The following TSPAN12 variants were observed in gnomAD, a reference collection of about 807,000 sequenced individuals.
TSPAN12 encodes tetraspanin 12.
Under a neutral mutation model 39.2 loss-of-function variants are expected in TSPAN12, and 19 were observed. The observed-to-expected ratio is 0.49, with a 90% CI of 0.34 to 0.71. TSPAN12 has a LOEUF of 0.71. TSPAN12 is among the 30% of genes least tolerant of loss of function. The pLI is 0.01. For missense variants in TSPAN12, 314 were observed against 359.9 expected (o/e 0.87, Z 1.03); for synonymous variants, 119 against 124.8 (o/e 0.95, Z 0.31).
intron 2 of TSPAN12, among the ~76,000 whole-genome samples, chr7:120,850,242 TGTTTTCCTA>T (rs1418987467): frequency 1.3e-5 from 2 of 152,208 alleles, no homozygotes; most frequent in Non-Finnish European, 2.9e-5. Context: ...TAGACCACCA[TGTTTTCCTA>T]TAGATAGGGT....
chr7:120,835,477 A>C (rs1323620749), intron 4 of TSPAN12, among the ~76,000 whole-genome samples: 2 of 152,224 alleles, frequency 1.3e-5, no homozygotes, highest in African/African-American at 4.8e-5. Flanking sequence ...AAATTGTTAC[A>C]AATATTGGAA....
intron 7 of TSPAN12, among the ~76,000 whole-genome samples, chr7:120,799,552 ATAAT>A (rs1380820529): frequency 2.6e-5 from 3 of 114,436 alleles, no homozygotes; most frequent in Non-Finnish European, 5.2e-5. Context: ...AATTATATAT[ATAAT>A]TAAATATAAT....
intron 7 of TSPAN12, among the ~76,000 whole-genome samples, chr7:120,797,773 C>T (rs1793662199): frequency 6.6e-6 from 1 of 152,164 alleles, no homozygotes. Flanking sequence ...CATTCTGCCT[C>T]TGACATATCT....
In TSPAN12 at chr7:120,788,413, TGG is replaced by T; in HGVS notation, c.*177_*178del. On this transcript the variant is annotated 3_prime_UTR_variant, in exon 8 of 8. Coordinates refer to ENST00000222747, the MANE Select transcript of TSPAN12 (RefSeq NM_012338.4). ...TTAAGGGCATCAATTATTGTCCAGG[TGG>T]TGACTTATGACATGAAACTTTTCCA... 1.4e-6 allele frequency: 1 copy of T among 696,510 alleles called. No individual in the cohort carries two copies. 43.1% of individuals were successfully genotyped at this position (696,510 alleles called of 1,614,324 possible). A position where few individuals can be genotyped will look rare whatever the true frequency, so the allele number is the denominator to read the frequency against.
Position 120,788,735 on chromosome 7 carries a change from G to A in TSPAN12, c.775C>T (p.Gln259Ter). The change falls in exon 8 of 8, where the codon CAA becomes TAA. Residue 259 changes from glutamine to a stop codon, truncating the protein, a stop_gained. Transcript: ENST00000222747. LOFTEE classifies it high-confidence loss of function. ...YYDRREPGTD[Q>*]MMSLKNDNSQ... ...TTGTCATTCTTCAAGGACATCATTT[G>A]GTCTGTCCCCGGCTCCCTTCTATCA... is the stretch of plus-strand genomic sequence containing the variant. 6.2e-7 allele frequency: 1 copy of A among 1,614,086 alleles called. No homozygotes were observed.
intron 2 of TSPAN12, among the ~76,000 whole-genome samples, chr7:120,850,181 G>A (rs1289051299): frequency 6.6e-6 from 1 of 152,164 alleles, no homozygotes; most frequent in Non-Finnish European, 1.5e-5. Flanking sequence ...CAATTAATTA[G>A]AGCTGAATAA....
chr7:120,799,567 T>TA (rs1194972871), intron 7 of TSPAN12, among the ~76,000 whole-genome samples: 2 of 110,296 alleles, frequency 1.8e-5, no homozygotes, highest in African/African-American at 7.1e-5. Flanking sequence ...TAAATATAAT[T>TA]ATTTATATAA....
rs1255230102 is a variant in TSPAN12, at chr7:120,857,866, G to C, written c.-117C>G. Reference sequence around the variant, plus strand: ...CCCACGCCCGCCTGGGGATAGTCGGGGACGCACGGCGGGGGCTCATCGGGG... The same window carrying C: ...CCCACGCCCGCCTGGGGATAGTCGGCGACGCACGGCGGGGGCTCATCGGGG... On this transcript the variant is annotated 5_prime_UTR_variant, in exon 1 of 8. Coordinates refer to ENST00000222747, the MANE Select transcript of TSPAN12 (RefSeq NM_012338.4). 6.6e-6 allele frequency: 1 copy of C among 152,304 alleles called. No homozygotes were observed. Among genetic ancestry groups the C allele is most frequent in the Non-Finnish European group, 1.5e-5 (1 of 68,190 alleles). The allele number at this position is 152,304 out of a possible 1,614,324, so 9.4% of individuals were successfully genotyped here. A position where few individuals can be genotyped will look rare whatever the true frequency, so the allele number is the denominator to read the frequency against.
intron 7 of TSPAN12, among the ~76,000 whole-genome samples, chr7:120,801,617 A>G (rs1344775347): frequency 6.6e-6 from 1 of 152,194 alleles, no homozygotes; most frequent in Non-Finnish European, 1.5e-5. Context: ...CTCTGGAGGT[A>G]TATTTTAGTT....
rs574927154 is a variant in TSPAN12, at chr7:120,840,156, T to A, written c.67-47A>T. On this transcript the variant is annotated intron_variant, in intron 2 of 7. Coordinates refer to ENST00000222747, the MANE Select transcript of TSPAN12 (RefSeq NM_012338.4). ...CCGGTTACCAAAGATTTACGTAACA[T>A]TCACTGCAGGATTAATAATAGGAAA... 11 of 1,325,622 alleles carry A rather than the reference T, an allele frequency of 8.3e-6. No homozygotes were observed. The African/African-American group carries it at 1.6e-4, about 19-fold the overall frequency. The allele number at this position is 1,325,622 out of a possible 1,614,324, so 82.1% of individuals were successfully genotyped here. A position where few individuals can be genotyped will look rare whatever the true frequency, so the allele number is the denominator to read the frequency against.
At chr7:120,794,279 T>C (rs911670499) in intron 7 of TSPAN12, among the ~76,000 whole-genome samples, 16 of 152,328 alleles carry the variant, frequency 1.1e-4, no homozygotes, top group Non-Finnish European at 1.8e-4. Context: ...ATGTAGAAAC[T>C]TGCAGCAGAC....
chr7:120,839,671 T>C (rs562739538), intron 3 of TSPAN12, among the ~76,000 whole-genome samples: 57 of 152,164 alleles, frequency 3.7e-4, no homozygotes, highest in Non-Finnish European at 5.7e-4. Context: ...TGGTTTTCAT[T>C]AACCCAAGAA....
intron 5 of TSPAN12, among the ~76,000 whole-genome samples, chr7:120,815,508 C>T (rs1794062191): frequency 6.6e-6 from 1 of 152,134 alleles, no homozygotes; most frequent in Admixed American, 6.6e-5. Context: ...CTTCTCCTTC[C>T]TCCCACCATG....
At chr7:120,797,181 C>A (rs757422749) in intron 7 of TSPAN12, among the ~76,000 whole-genome samples, 1 of 152,182 alleles carries the variant, frequency 6.6e-6, no homozygotes, top group Non-Finnish European at 1.5e-5. Flanking sequence ...AGCTTCCTAG[C>A]CTGACCACAT....
chr7:120,844,450 T>C (rs1210212390), intron 2 of TSPAN12, among the ~76,000 whole-genome samples: 1 of 152,228 alleles, frequency 6.6e-6, no homozygotes, highest in Non-Finnish European at 1.5e-5. Flanking sequence ...CCTATGAGAC[T>C]GTAAAATCAA....
At chr7:120,810,417 G>A (rs375399891) in intron 6 of TSPAN12, 46 bp downstream of exon 6, 115 of 1,180,522 alleles carry the variant, frequency 9.7e-5, no homozygotes, top group Admixed American at 1.9e-4. Flanking sequence ...GTTTGAAGGT[G>A]CACCACTTAC....
chr7:120,796,940 G>A (rs1268333239), intron 7 of TSPAN12, among the ~76,000 whole-genome samples: 2 of 152,170 alleles, frequency 1.3e-5, no homozygotes, highest in Non-Finnish European at 2.9e-5. Flanking sequence ...CGGATCACGA[G>A]GTCAGGAGAC....
At chr7:120,805,951 TA>T (rs1167283680) in intron 7 of TSPAN12, among the ~76,000 whole-genome samples, 1 of 152,066 alleles carries the variant, frequency 6.6e-6, no homozygotes, top group Admixed American at 6.6e-5. Flanking sequence ...TAAAATGGAG[TA>T]ATTGATTATT....
chr7:120,817,174 G>C (rs1420664192), intron 4 of TSPAN12, among the ~76,000 whole-genome samples: 1 of 151,924 alleles, frequency 6.6e-6, no homozygotes, highest in Non-Finnish European at 1.5e-5. Context: ...AGGAATTCGA[G>C]ACCAGCCTGG....
Sources: allele counts gnomAD v4.1 joint callset (sites outside exome capture counted in the v4.1 genomes callset), GRCh38; gene constraint gnomAD v4.1.1; transcripts MANE v1.5; gene names NCBI Gene and HGNC (gene_info 2026-07-23, HGNC 2026-07-21).